AHCY: variants seen among roughly 807,000 people sequenced by gnomAD.
The protein encoded by AHCY is adenosylhomocysteinase, also known as S-adenosyl-L-homocysteine hydrolase.
Under a neutral mutation model 45.4 loss-of-function variants are expected in AHCY, and 24 were observed. The observed-to-expected ratio is 0.53, with a 90% CI of 0.38 to 0.74. The LOEUF (loss-of-function observed/expected upper bound fraction) is 0.74. AHCY is among the 30% of genes least tolerant of loss of function. The probability of loss-of-function intolerance (pLI) is 0.00; values close to 1 mark genes in which losing one functional copy is unlikely to be tolerated. For synonymous variants in AHCY, 245 were observed against 235.1 expected (o/e 1.04, Z -0.39); for missense variants, 449 against 594.1 (o/e 0.76, Z 2.54).
At chr20:34,232,876 G>A in the AHCY span, among the ~76,000 whole-genome samples, 1 of 152,224 alleles carries the variant, frequency 6.6e-6, no homozygotes, top group Admixed American at 6.5e-5. Flanking sequence ...CCTGATGACA[G>A]TGTGCCTCAA....
chr20:34,250,737 C>T, the AHCY span, among the ~76,000 whole-genome samples: 1 of 152,120 alleles, frequency 6.6e-6, no homozygotes, highest in African/African-American at 2.4e-5. Context: ...GTGGAGGTGC[C>T]TTTGCCTCTT....
At chr20:34,279,597 T>G (rs1318506947), downstream of AHCY, among the ~76,000 whole-genome samples, 1 of 151,876 alleles carries the variant, frequency 6.6e-6, no homozygotes, top group Non-Finnish European at 1.5e-5. Context: ...TACAGCAGAG[T>G]CACATCACAT....
the AHCY span, among the ~76,000 whole-genome samples, chr20:34,253,275 T>G: frequency 2.6e-4 from 39 of 150,984 alleles, no homozygotes; most frequent in Non-Finnish European, 5.2e-4. Context: ...CCGCCTAATT[T>G]TTTTGTATTT....
At chr20:34,291,608 A>C in intron 4 of AHCY, 77 bp from the exon 5 acceptor site, 2 of 1,288,982 alleles carry the variant, frequency 1.6e-6, no homozygotes, top group Non-Finnish European at 2.2e-6. Context: ...TTACCCCCTA[A>C]AGCCATTCCT....
intron 1 of AHCY, chr20:34,301,834 G>T (rs1400078869): frequency 1.0e-6 from 1 of 985,300 alleles, no homozygotes; most frequent in East Asian, 1.1e-4. Flanking sequence ...TACTTCAACA[G>T]AATCTTTGCA....
rs983007177 is a variant in AHCY, at chr20:34,295,179, C to T, written c.219+216G>A. 4 of 676,072 alleles carry T rather than the reference C, an allele frequency of 5.9e-6. No individual in the cohort carries two copies. In the African/African-American group the frequency reaches 7.1e-5, roughly 12 times the overall value. 41.9% of individuals were successfully genotyped at this position (676,072 alleles called of 1,614,324 possible). On this transcript the variant is annotated intron_variant, in intron 2 of 9. Coordinates refer to ENST00000217426, the MANE Select transcript of AHCY (RefSeq NM_000687.4). Reference sequence around the variant, plus strand: ...AGGAGGATGCCTTGAGGGTAGCCAACAGTGACCTTCCCAGCCAGGGAGAAA... The same window carrying T: ...AGGAGGATGCCTTGAGGGTAGCCAATAGTGACCTTCCCAGCCAGGGAGAAA...
At chr20:34,238,417 C>CTAA in the AHCY span, among the ~76,000 whole-genome samples, 2 of 152,128 alleles carry the variant, frequency 1.3e-5, no homozygotes, top group Non-Finnish European at 2.9e-5. Flanking sequence ...TCTCTTCTGT[C>CTAA]TAATCAAATC....
chr20:34,262,722 C>T, the AHCY span: 1 of 1,210,842 alleles, frequency 8.3e-7, no homozygotes, highest in Non-Finnish European at 1.2e-6. Flanking sequence ...CACGCTTCTT[C>T]TCCTCTCCCT....
At chr20:34,300,814 A>C (rs2036745009) in intron 1 of AHCY, among the ~76,000 whole-genome samples, 1 of 152,154 alleles carries the variant, frequency 6.6e-6, no homozygotes, top group Non-Finnish European at 1.5e-5. Flanking sequence ...ATCCAGGGAG[A>C]CCTGCAAGGA....
chr20:34,257,070 C>CTTTTTTTTTTTTTTTTTTTTTT, the AHCY span, among the ~76,000 whole-genome samples: 3 of 139,414 alleles, frequency 2.2e-5, no homozygotes, highest in Non-Finnish European at 3.1e-5. Flanking sequence ...CTTTCTTTCT[C>CTTTTTTTTTTTTTTTTTTTTTT]TTTTTTTTTT....
At chr20:34,303,191 G>C (rs557682218) in intron 1 of AHCY, 52 bp downstream of exon 1, 1 of 1,549,988 alleles carries the variant, frequency 6.5e-7, no homozygotes, top group African/African-American at 1.4e-5. Context: ...CCACGAACAA[G>C]CCCCGGGCGG....
At chr20:34,251,563 C>T in the AHCY span, among the ~76,000 whole-genome samples, 6 of 152,270 alleles carry the variant, frequency 3.9e-5, no homozygotes, top group South Asian at 6.2e-4. Context: ...CATGAGCCAC[C>T]GCGCCTGACC....
Position 34,290,421 on chromosome 20 carries a change from T to G in AHCY, c.883A>C (p.Ile295Leu). Residue 295 changes from isoleucine to leucine, a missense_variant, in exon 8 of 10, where the codon ATT becomes CTT. Coordinates refer to ENST00000217426, the MANE Select transcript of AHCY (RefSeq NM_000687.4). This position sits in a 1 kb window ranked among gnomAD's most constrained non-coding sequence, Gnocchi z 4.5. ...RHFEQMKDDA[I>L]VCNIGHFDVE... ...TCAAAGTGTCCAATGTTACACACAA[T>G]GGCATCATCCTTCATCTGCTCAAAG... 1 of 1,614,232 alleles carries G rather than the reference T, an allele frequency of 6.2e-7. No individual in the cohort carries two copies. Among genetic ancestry groups the G allele is most frequent in the Non-Finnish European group, 8.5e-7 (1 of 1,180,046 alleles).
At chr20:34,299,278 G>A (rs2036691378) in intron 1 of AHCY, among the ~76,000 whole-genome samples, 1 of 151,978 alleles carries the variant, frequency 6.6e-6, no homozygotes, top group Admixed American at 6.6e-5. Flanking sequence ...CTGCTCTTCC[G>A]TCCAAAGACC....
chr20:34,295,663 C>A, intron 1 of AHCY, 78 bp from the exon 2 acceptor site: 2 of 1,456,840 alleles, frequency 1.4e-6, no homozygotes, highest in South Asian at 1.2e-5. Flanking sequence ...GCATGGACCC[C>A]GATCCACGTG....
At chr20:34,271,691 G>A in the AHCY span, among the ~76,000 whole-genome samples, 3 of 150,056 alleles carry the variant, frequency 2.0e-5, no homozygotes, top group Non-Finnish European at 4.4e-5. Flanking sequence ...TCAGCCTCCC[G>A]AGTAGCTGGG....
chr20:34,266,528 C>T, the AHCY span, among the ~76,000 whole-genome samples: 1 of 151,896 alleles, frequency 6.6e-6, no homozygotes, highest in South Asian at 2.1e-4. Context: ...CAAAAATTAG[C>T]TGGGCGTGGT....
At chr20:34,306,259 G>T (rs2036895260), upstream of AHCY, among the ~76,000 whole-genome samples, 1 of 152,092 alleles carries the variant, frequency 6.6e-6, no homozygotes, top group East Asian at 1.9e-4. Flanking sequence ...CTGGTCTCAG[G>T]AGAAGGTCTA....
intron 1 of AHCY, chr20:34,301,616 C>T (rs1308242565): frequency 1.2e-5 from 2 of 168,942 alleles, no homozygotes; most frequent in Non-Finnish European, 2.4e-5. Context: ...TCCTCCAGCC[C>T]CACCCAGCTA....
Sources: gnomAD v4.1 joint callset for allele counts (sites outside exome capture counted in the v4.1 genomes callset) on GRCh38, gnomAD v4.1.1 for gene constraint, Gnocchi (gnomAD v3.1) non-coding constraint, MANE v1.5 for transcripts, NCBI Gene and HGNC (gene_info 2026-07-23, HGNC 2026-07-21) for gene names.